ATP2B2: variants seen among roughly 807,000 people sequenced by gnomAD.
ATP2B2 encodes the protein plasma membrane calcium-transporting ATPase 2.
ATP2B2 carries 15 observed loss-of-function variants against 120.0 expected under a neutral mutation model. That is an observed-to-expected ratio of 0.12 (90% CI 0.08 to 0.19). ATP2B2 has a LOEUF of 0.19. ATP2B2 is among the 10% of genes least tolerant of loss of function. The pLI, the probability that ATP2B2 is intolerant of heterozygous loss-of-function variation, is 1.00. For missense variants in ATP2B2, 1,045 were observed against 1,719.8 expected (o/e 0.61, Z 6.94); for synonymous variants, 694 against 700.3 (o/e 0.99, Z 0.14).
At chr3:10,571,352 G>T (rs1159690089) in intron 2 of ATP2B2, among the ~76,000 whole-genome samples, 1 of 152,236 alleles carries the variant, frequency 6.6e-6, no homozygotes, top group Non-Finnish European at 1.5e-5. Context: ...CCAGGTAGGT[G>T]ACTCGTGGCC....
intron 1 of ATP2B2, among the ~76,000 whole-genome samples, chr3:10,683,055 CT>C (rs1178168096): frequency 6.6e-6 from 1 of 152,074 alleles, no homozygotes; most frequent in Non-Finnish European, 1.5e-5. Flanking sequence ...CAAATGGCCA[CT>C]GAGTCTTTGT....
At chr3:10,344,592 A>G (rs1233602299) in intron 18 of ATP2B2, among the ~76,000 whole-genome samples, 1 of 152,116 alleles carries the variant, frequency 6.6e-6, no homozygotes, top group Non-Finnish European at 1.5e-5. Flanking sequence ...GGCCTTGGGG[A>G]TCCCCTGGGG....
intron 1 of ATP2B2, among the ~76,000 whole-genome samples, chr3:10,632,067 T>A (rs2069879529): frequency 1.3e-5 from 2 of 152,052 alleles, no homozygotes; most frequent in Admixed American, 1.3e-4. Context: ...TTAGAAAAAA[T>A]TTTCCCTTCT....
intron 1 of ATP2B2, among the ~76,000 whole-genome samples, chr3:10,452,301 G>A (rs1406234640): frequency 6.6e-6 from 1 of 152,212 alleles, no homozygotes; most frequent in Non-Finnish European, 1.5e-5. Context: ...ATTTGGGTTT[G>A]GGCCGAATGC....
intron 7 of ATP2B2, 71 bp downstream of exon 7, chr3:10,386,409 G>A (rs887048613): frequency 2.6e-5 from 40 of 1,543,288 alleles, no homozygotes; most frequent in Non-Finnish European, 3.4e-5. Flanking sequence ...GTGGTCTAGG[G>A]GCAGGGCCCA....
chr3:10,685,545 C>T (rs1185273833), intron 1 of ATP2B2, among the ~76,000 whole-genome samples: 2 of 152,028 alleles, frequency 1.3e-5, no homozygotes, highest in Non-Finnish European at 2.9e-5. Context: ...TGTGTGTGCA[C>T]GTATACCCCT....
chr3:10,507,243 G>A (rs1455516868), upstream of ATP2B2, among the ~76,000 whole-genome samples: 1 of 152,150 alleles, frequency 6.6e-6, no homozygotes, highest in Non-Finnish European at 1.5e-5. Flanking sequence ...GGAGGCTCTC[G>A]ACCCCACACC....
At position 10,385,293 on chromosome 3, in the gene ATP2B2, A is replaced by C. The variant is rs1282797967; in HGVS notation, c.975T>G (p.Asp325Glu). The stretch of plus-strand genomic sequence containing the variant: ...CATTGACTAGGCTGGCATTCGCACT[A>C]TCTGCAGCATTTGAAGCTGCCGCAC... ...ADGAAASNAA[D>E]SANASLVNGK... Residue 325 changes from aspartate (D) to glutamate (E), a missense_variant, in exon 8 of 23, where the codon GAT (aspartate) becomes GAG (glutamate). Coordinates refer to ENST00000360273, the MANE Select transcript of ATP2B2 (RefSeq NM_001001331.4). 1 of 1,613,984 alleles carries C rather than the reference A, an allele frequency of 6.2e-7. No homozygotes were observed. Among genetic ancestry groups the C allele is most frequent in the Non-Finnish European group, 8.5e-7 (1 of 1,180,006 alleles).
At chr3:10,337,356 G>C (rs1050219416) in intron 22 of ATP2B2, among the ~76,000 whole-genome samples, 1 of 152,144 alleles carries the variant, frequency 6.6e-6, no homozygotes, top group Non-Finnish European at 1.5e-5. Context: ...GCATGGAGGA[G>C]CTCCCACTCC....
At chr3:10,697,436 C>T (rs561936837) in intron 1 of ATP2B2, among the ~76,000 whole-genome samples, 206 of 152,278 alleles carry the variant, frequency 1.4e-3, no homozygotes, top group African/African-American at 4.5e-3. Context: ...CATAGAGACA[C>T]AGGAAAGATG....
At chr3:10,480,709 C>T (rs1463398536) in intron 1 of ATP2B2, among the ~76,000 whole-genome samples, 1 of 152,200 alleles carries the variant, frequency 6.6e-6, no homozygotes. Flanking sequence ...TCGCCATTTC[C>T]CCTTCTGCCA....
At chr3:10,381,218 A>G (rs1297059657) in intron 8 of ATP2B2, among the ~76,000 whole-genome samples, 1 of 152,254 alleles carries the variant, frequency 6.6e-6, no homozygotes, top group Non-Finnish European at 1.5e-5. Flanking sequence ...TGGGCTTTAA[A>G]GTGAAAGACC....
upstream of ATP2B2, among the ~76,000 whole-genome samples, chr3:10,506,242 CT>C (rs1255900829): frequency 1.3e-5 from 2 of 152,124 alleles, no homozygotes; most frequent in Non-Finnish European, 2.9e-5. Flanking sequence ...AGCGCTACCC[CT>C]GCGACCCGCC....
At chr3:10,379,002 C>A (rs1477997797) in intron 9 of ATP2B2, among the ~76,000 whole-genome samples, 1 of 152,202 alleles carries the variant, frequency 6.6e-6, no homozygotes, top group South Asian at 2.1e-4. Flanking sequence ...CTGAATGGGG[C>A]GCAGAGTTCA....
chr3:10,572,941 G>A (rs902411203), intron 2 of ATP2B2, among the ~76,000 whole-genome samples: 1 of 152,286 alleles, frequency 6.6e-6, no homozygotes, highest in South Asian at 2.1e-4. Flanking sequence ...ACCAGAGACA[G>A]GAACACAATA....
intron 2 of ATP2B2, among the ~76,000 whole-genome samples, chr3:10,554,381 G>C (rs2067734769): frequency 6.6e-6 from 1 of 152,210 alleles, no homozygotes; most frequent in African/African-American, 2.4e-5. Flanking sequence ...AGGGAAATGA[G>C]GGTGCAGATG....
At chr3:10,616,920 C>T (rs919349970) in intron 2 of ATP2B2, among the ~76,000 whole-genome samples, 3 of 152,134 alleles carry the variant, frequency 2.0e-5, no homozygotes, top group Non-Finnish European at 4.4e-5. Flanking sequence ...TTTTGTCTAC[C>T]TATTTAAAAA....
At chr3:10,580,694 T>G (rs866212679) in intron 2 of ATP2B2, among the ~76,000 whole-genome samples, 1 of 152,310 alleles carries the variant, frequency 6.6e-6, no homozygotes, top group Middle Eastern at 3.4e-3. Flanking sequence ...CTTTCATGCC[T>G]GGGAGTGGGG....
chr3:10,389,362 T>C (rs2061778276), intron 5 of ATP2B2, among the ~76,000 whole-genome samples: 1 of 152,196 alleles, frequency 6.6e-6, no homozygotes, highest in African/African-American at 2.4e-5. Context: ...AGAGGGAGGA[T>C]AAGCTGAAGA....
Sources: allele counts gnomAD v4.1 joint callset (sites outside exome capture counted in the v4.1 genomes callset), GRCh38; gene constraint gnomAD v4.1.1; transcripts MANE v1.5; gene names NCBI Gene and HGNC (gene_info 2026-07-23, HGNC 2026-07-21).